Variants in LMNA observed in about 807,000 individuals in gnomAD.
LMNA encodes the protein lamin.
In LMNA, 20 loss-of-function variants were observed where a neutral mutation model predicts 70.4. The ratio of observed to expected loss-of-function variants is 0.28; its 90% CI spans 0.20 to 0.41. LMNA has a LOEUF of 0.41. Ranked by LOEUF, LMNA falls within the 10% of genes least tolerant of loss-of-function variation. LMNA has a pLI of 1.00. For missense variants in LMNA, 652 were observed against 917.2 expected, an observed-to-expected ratio of 0.71 and a Z score of 3.73; for synonymous variants, 339 against 372.8, an observed-to-expected ratio of 0.91 and a Z score of 1.04.
intron 1 of LMNA, chr1:156,126,982 G>A: frequency 1.4e-6 from 2 of 1,450,512 alleles, no homozygotes; most frequent in South Asian, 1.4e-5. Context: ...TCACCTGAGG[G>A]GCCCAGGTTC....
At chr1:156,120,485 T>C (rs1010020709) in intron 1 of LMNA, among the ~76,000 whole-genome samples, 1 of 152,122 alleles carries the variant, frequency 6.6e-6, no homozygotes, top group African/African-American at 2.4e-5. Flanking sequence ...TCCCAGTGCT[T>C]TGGGAGGCTA....
intron 1 of LMNA, chr1:156,126,349 T>TC: frequency 1.3e-6 from 1 of 798,834 alleles, no homozygotes; most frequent in Non-Finnish European, 1.9e-6. Flanking sequence ...CTCTTGCTTC[T>TC]CCCCCAGATT....
At chr1:156,086,081 AAC>A (rs778497264) in intron 2 of LMNA, among the ~76,000 whole-genome samples, 5 of 152,164 alleles carry the variant, frequency 3.3e-5, no homozygotes, top group African/African-American at 7.2e-5. Flanking sequence ...CCAAGGTCCT[AAC>A]ACAGTGCCTG....
intron 1 of LMNA, among the ~76,000 whole-genome samples, chr1:156,124,740 G>T (rs747614064): frequency 2.6e-5 from 4 of 152,130 alleles, no homozygotes; most frequent in Non-Finnish European, 5.9e-5. Context: ...GGTTGGGGGG[G>T]AGGTAGGGGC....
intron 3 of LMNA, among the ~76,000 whole-genome samples, chr1:156,099,196 C>T (rs1163824198): frequency 1.3e-5 from 2 of 152,112 alleles, no homozygotes; most frequent in Non-Finnish European, 2.9e-5. Context: ...AGTTCCTTAG[C>T]TCCTAGGAGC....
Position 156,135,882 on chromosome 1 carries a change from C to T in LMNA, c.937-19C>T. On this transcript the variant is annotated intron_variant, in intron 5 of 11. Coordinates refer to ENST00000368300, the MANE Select transcript of LMNA (RefSeq NM_170707.4). The surrounding 1 kb of genome is among the most constrained non-coding windows in gnomAD (Gnocchi z 4.8). ...TTAGGGCCCTTGGGAGCTCACCAAA[C>T]CCTCCCACCCCCCTTCAGCTGGCAG... 6.2e-7 allele frequency: 1 copy of T among 1,606,458 alleles called. No homozygotes were observed. Among genetic ancestry groups the T allele is most frequent in the Non-Finnish European group, 8.5e-7 (1 of 1,174,220 alleles).
At chr1:156,125,784 T>TC (rs1315645615) in intron 1 of LMNA, among the ~76,000 whole-genome samples, 1 of 151,056 alleles carries the variant, frequency 6.6e-6, no homozygotes, top group Non-Finnish European at 1.5e-5. Context: ...AGGTCAGGAG[T>TC]CCGAGACCAG....
chr1:156,102,142 G>A (rs912560234), intron 3 of LMNA, among the ~76,000 whole-genome samples: 7 of 152,346 alleles, frequency 4.6e-5, no homozygotes, highest in Admixed American at 1.3e-4. Flanking sequence ...GGGGCAGGCC[G>A]GCCTTGATGC....
intron 1 of LMNA, among the ~76,000 whole-genome samples, chr1:156,124,736 G>T (rs570292285): frequency 1.4e-4 from 22 of 152,308 alleles, no homozygotes; most frequent in African/African-American, 4.1e-4. Flanking sequence ...GCCGGGTTGG[G>T]GGGGAGGTAG....
rs758670532 is a variant in LMNA at position 156,093,299 on chromosome 1, A to ATTT, written c.-207+2741_-207+2743dup. Among the ~76,000 whole-genome samples, 259 of 113,936 alleles carry ATTT rather than the reference A, an allele frequency of 2.3e-3. 13 individuals carry two copies. Among genetic ancestry groups the ATTT allele is most frequent in the African/African-American group, 9.6e-3 (243 of 25,356 alleles). 74.7% of individuals were successfully genotyped at this position (113,936 alleles called of 152,430 possible). A position where few individuals can be genotyped will look rare whatever the true frequency, so the allele number is the denominator to read the frequency against. On this transcript the variant is annotated intron_variant, in intron 3 of 12. Coordinates refer to the LMNA transcript ENST00000368301. ...CTTGCAGGACTCAATTTATATGTCAATTTTTTTTTTTTTTTTTTTTTTTTT... is the reference window on the plus strand; with the variant it reads ...CTTGCAGGACTCAATTTATATGTCAATTTTTTTTTTTTTTTTTTTTTTTTTTTT...
chr1:156,131,481 T>C (rs1384461265), intron 2 of LMNA, among the ~76,000 whole-genome samples: 1 of 152,042 alleles, frequency 6.6e-6, no homozygotes, highest in Admixed American at 6.6e-5. Flanking sequence ...TCCCAGCTAC[T>C]TGGGAGGCTG....
chr1:156,109,820 A>ATG (rs71080747), upstream of LMNA: 2 of 123,668 alleles, frequency 1.6e-5, no homozygotes, highest in Non-Finnish European at 3.2e-5. Context: ...GTGTGTGTGC[A>ATG]TATATATATA....
intron 1 of LMNA, among the ~76,000 whole-genome samples, chr1:156,116,950 G>C (rs1649865750): frequency 6.6e-6 from 1 of 151,550 alleles, no homozygotes; most frequent in Non-Finnish European, 1.5e-5. Context: ...GTCTTACTCT[G>C]TCACCCAGAC....
intron 1 of LMNA, among the ~76,000 whole-genome samples, chr1:156,118,872 C>T (rs1282231783): frequency 6.6e-6 from 1 of 152,192 alleles, no homozygotes; most frequent in Non-Finnish European, 1.5e-5. Flanking sequence ...ACCTCAACCA[C>T]ACTCAGGAGT....
intron 1 of LMNA, among the ~76,000 whole-genome samples, chr1:156,124,504 G>A (rs1421858512): frequency 6.6e-6 from 1 of 152,126 alleles, no homozygotes; most frequent in Non-Finnish European, 1.5e-5. Context: ...GGCCAGGATG[G>A]TCTCAAACTC....
chr1:156,127,049 C>T lies in LMNA; in HGVS notation c.357-3568C>T, dbSNP rs530502618. ...CCCTGTCCTCCCTGCCAACCCAGCA[C>T]GGGGACGGCACTCAGCGTGTGCTCA... On this transcript the variant is annotated intron_variant, in intron 1 of 11. Coordinates refer to ENST00000368300, the MANE Select transcript of LMNA (RefSeq NM_170707.4). 2,383 of 862,146 alleles carry T rather than the reference C, an allele frequency of 2.8e-3. 5 individuals carry two copies. The highest frequency in any genetic ancestry group is 5.4e-3 in the Admixed American group (184 of 34,354). 53.4% of individuals were successfully genotyped at this position (862,146 alleles called of 1,614,324 possible). A position where few individuals can be genotyped will look rare whatever the true frequency, so the allele number is the denominator to read the frequency against.
chr1:156,135,267 C>T lies in LMNA; in HGVS notation c.891C>T (p.Ile297=). 6.2e-7 allele frequency: 1 copy of T among 1,613,670 alleles called. No individual in the cohort carries two copies. Among genetic ancestry groups the T allele is most frequent in the Non-Finnish European group, 8.5e-7 (1 of 1,180,016 alleles). Residue 297 remains isoleucine (I), a synonymous_variant, in exon 5 of 12, where the codon ATC becomes ATT. Coordinates refer to ENST00000368300, the MANE Select transcript of LMNA (RefSeq NM_170707.4). This position sits in a 1 kb window ranked among gnomAD's most constrained non-coding sequence, Gnocchi z 4.8. Reference sequence around the variant, plus strand: ...ACGAGGAGCTGCAGCAGTCGCGCATCCGCATCGACAGCCTCTCTGCCCAGC... The same window carrying T: ...ACGAGGAGCTGCAGCAGTCGCGCATTCGCATCGACAGCCTCTCTGCCCAGC... ...AAHEELQQSR[I]RIDSLSAQLS...
rs970494454 is a variant in LMNA, at chr1:156,138,538, G to C, written c.1749G>C (p.Ser583=). The change falls in exon 11 of 12, where the codon TCG becomes TCC. Residue 583 remains serine, a synonymous_variant. Coordinates refer to ENST00000368300, the MANE Select transcript of LMNA (RefSeq NM_170707.4). This position sits in a 1 kb window ranked among gnomAD's most constrained non-coding sequence, Gnocchi z 5.5. ...ACCCCGCTGAGTACAACCTGCGCTC[G>C]CGCACCGTGCTGTGCGGGACCTGCG... The part of the protein sequence containing the change: ...SGDPAEYNLR[S]RTVLCGTCGQ... 3 of 1,612,594 alleles carry C rather than the reference G, an allele frequency of 1.9e-6. No individual in the cohort carries two copies. The highest frequency in any genetic ancestry group is 2.5e-6 in the Non-Finnish European group (3 of 1,179,780).
Position 156,135,303 on chromosome 1 carries a change from C to A in LMNA, c.927C>A (p.Leu309=), listed in dbSNP as rs752558753. 1.5e-5 allele frequency: 24 copies of A among 1,613,410 alleles called. No homozygotes were observed. In the African/African-American group the frequency reaches 2.0e-4, roughly 13 times the overall value. ...GCCTCTCTGCCCAGCTCAGCCAGCT[C>A]CAGAAGCAGGTGATACCCCACCTCA... ...IDSLSAQLSQ[L]QKQLAAKEAK... is the part of the protein sequence containing the mutation. The change falls in exon 5 of 12, where the codon CTC becomes CTA. Residue 309 remains leucine, a synonymous_variant. Coordinates refer to ENST00000368300, the MANE Select transcript of LMNA (RefSeq NM_170707.4). This position sits in a 1 kb window ranked among gnomAD's most constrained non-coding sequence, Gnocchi z 4.8.
Sources: gnomAD v4.1 joint callset for allele counts (sites outside exome capture counted in the v4.1 genomes callset) on GRCh38, gnomAD v4.1.1 for gene constraint, Gnocchi (gnomAD v3.1) non-coding constraint, MANE v1.5 for transcripts, NCBI Gene and HGNC (gene_info 2026-07-23, HGNC 2026-07-21) for gene names.